Variants in PRELID2 observed in about 807,000 individuals in gnomAD.
PRELID2 encodes the protein PRELI domain containing 2.
In PRELID2, 25 loss-of-function variants were observed where a neutral mutation model predicts 28.4. The ratio of observed to expected loss-of-function variants is 0.88; its 90% confidence interval spans 0.64 to 1.23. PRELID2 has a LOEUF of 1.23. PRELID2 is among the 50% of genes most tolerant of loss of function. PRELID2 has a pLI of 0.00. For missense variants in PRELID2, 201 were observed against 214.4 expected, an observed-to-expected ratio of 0.94 and a Z score of 0.39; for synonymous variants, 76 against 71.6, an observed-to-expected ratio of 1.06 and a Z score of -0.31.
At chr5:145,342,607 T>A in the PRELID2 span, among the ~76,000 whole-genome samples, 1 of 152,234 alleles carries the variant, frequency 6.6e-6, no homozygotes, top group African/African-American at 2.4e-5. Flanking sequence ...ACCAGTCTTC[T>A]TTAAAATTAA....
At chr5:145,806,693 G>A (rs981014505) in intron 4 of PRELID2, among the ~76,000 whole-genome samples, 10 of 152,188 alleles carry the variant, frequency 6.6e-5, no homozygotes, top group Admixed American at 2.0e-4. Flanking sequence ...TGTGTCAAGG[G>A]AGGGACCTGG....
chr5:145,387,879 T>A, the PRELID2 span, among the ~76,000 whole-genome samples: 1 of 150,872 alleles, frequency 6.6e-6, no homozygotes, highest in African/African-American at 2.4e-5. Context: ...TAAGCCCAGA[T>A]TGCACCACTG....
At chr5:145,723,222 A>C (rs1305928787) in intron 1 of PRELID2, among the ~76,000 whole-genome samples, 1 of 152,198 alleles carries the variant, frequency 6.6e-6, no homozygotes, top group Non-Finnish European at 1.5e-5. Context: ...CAGGAATGCA[A>C]TGTATCATAA....
chr5:145,649,540 G>A (rs1414706271), intron 1 of PRELID2, among the ~76,000 whole-genome samples: 1 of 152,074 alleles, frequency 6.6e-6, no homozygotes, highest in African/African-American at 2.4e-5. Context: ...GAGGTTATCA[G>A]GACATAACCT....
the PRELID2 span, among the ~76,000 whole-genome samples, chr5:145,369,811 A>G: frequency 3.9e-5 from 6 of 152,194 alleles, no homozygotes; most frequent in Middle Eastern, 3.4e-3. Flanking sequence ...AATAATTGCC[A>G]TTCTAACTGG....
At chr5:145,523,387 A>G (rs772208611) in intron 1 of PRELID2, among the ~76,000 whole-genome samples, 4 of 152,198 alleles carry the variant, frequency 2.6e-5, no homozygotes, top group Non-Finnish European at 5.9e-5. Flanking sequence ...TTTGGCCCCA[A>G]ACCATTTTTT....
At chr5:145,411,821 C>T in the PRELID2 span, among the ~76,000 whole-genome samples, 32 of 152,216 alleles carry the variant, frequency 2.1e-4, no homozygotes, top group African/African-American at 7.7e-4. Context: ...CCCATACATC[C>T]TCTGAAATCT....
intron 1 of PRELID2, chr5:145,825,958 G>A (rs1755165878): frequency 3.3e-6 from 3 of 904,704 alleles, no homozygotes; most frequent in Non-Finnish European, 4.0e-6. Flanking sequence ...AAAGTTGAAA[G>A]AGGGAAGGCT....
the PRELID2 span, among the ~76,000 whole-genome samples, chr5:145,268,605 G>A: frequency 9.9e-5 from 15 of 152,168 alleles, no homozygotes; most frequent in African/African-American, 2.9e-4. Context: ...TGAATGCCAG[G>A]TGCCTCTAGT....
chr5:145,692,223 TA>T (rs1755165578), intron 1 of PRELID2, among the ~76,000 whole-genome samples: 1 of 152,204 alleles, frequency 6.6e-6, no homozygotes, highest in Non-Finnish European at 1.5e-5. Context: ...TATGCTCAAT[TA>T]ATGCTTATTG....
chr5:145,394,564 C>T, the PRELID2 span, among the ~76,000 whole-genome samples: 1 of 151,986 alleles, frequency 6.6e-6, no homozygotes, highest in Admixed American at 6.6e-5. Flanking sequence ...CACATGTACC[C>T]TAAAACTTAA....
chr5:145,537,266 G>T (rs1752707201), intron 1 of PRELID2, among the ~76,000 whole-genome samples: 1 of 151,770 alleles, frequency 6.6e-6, no homozygotes, highest in African/African-American at 2.4e-5. Context: ...AAAAATATGG[G>T]CTGTATAGAC....
At chr5:145,263,740 G>C in the PRELID2 span, among the ~76,000 whole-genome samples, 4 of 151,570 alleles carry the variant, frequency 2.6e-5, no homozygotes, top group South Asian at 2.1e-4. Flanking sequence ...AGAAAACCTA[G>C]AGAAGACCAA....
rs552129424 is a variant in PRELID2, at chr5:145,543,785, G to A, written n.71-70470C>T. On this transcript the variant is annotated intron_variant and non_coding_transcript_variant, in intron 1 of 2. Transcript: ENST00000510259. Reference sequence around the variant, plus strand: ...GAAACCTTGACTATCAGTAATTGTCGCATTTGGAGGCCATCTAGAAAGAAA... The same window carrying A: ...GAAACCTTGACTATCAGTAATTGTCACATTTGGAGGCCATCTAGAAAGAAA... 6.6e-5 allele frequency among the ~76,000 whole-genome samples: 10 copies of A among 152,078 alleles called. No individual in the cohort carries two copies. The South Asian group carries it at 8.3e-4, about 13-fold the overall frequency.
intron 1 of PRELID2, among the ~76,000 whole-genome samples, chr5:145,701,632 A>G (rs10063177): frequency 0.025 from 3,831 of 152,312 alleles, 115 homozygotes; most frequent in African/African-American, 0.072. Flanking sequence ...CCATCAACAA[A>G]TCACAGCAAC....
At chr5:145,672,777 C>T (rs958800166) in intron 1 of PRELID2, among the ~76,000 whole-genome samples, 1 of 152,168 alleles carries the variant, frequency 6.6e-6, no homozygotes, top group Non-Finnish European at 1.5e-5. Context: ...AAATGCGACC[C>T]ATCACCATCA....
intron 1 of PRELID2, among the ~76,000 whole-genome samples, chr5:145,474,648 G>A (rs962174407): frequency 6.6e-6 from 1 of 152,080 alleles, no homozygotes; most frequent in Admixed American, 6.6e-5. Context: ...CCCAACAAAT[G>A]GGTTCAAGTC....
chr5:145,229,719 A>G, the PRELID2 span: 1 of 755,866 alleles, frequency 1.3e-6, no homozygotes, highest in East Asian at 2.5e-5. Flanking sequence ...GGTCTTCACC[A>G]CAGACCGGGA....
At chr5:145,691,554 A>G (rs560377945) in intron 1 of PRELID2, among the ~76,000 whole-genome samples, 3 of 152,062 alleles carry the variant, frequency 2.0e-5, no homozygotes, top group Admixed American at 6.6e-5. Context: ...AAATACAAAC[A>G]AACAAACAAA....
Sources: gnomAD v4.1 joint callset for allele counts (sites outside exome capture counted in the v4.1 genomes callset) on GRCh38, gnomAD v4.1.1 for gene constraint, MANE v1.5 for transcripts, NCBI Gene and HGNC (gene_info 2026-07-23, HGNC 2026-07-21) for gene names.